Variants in UBAC2 observed in about 807,000 individuals in gnomAD.
UBAC2 encodes UBA domain containing 2.
In UBAC2, 26 loss-of-function variants were observed where a neutral mutation model predicts 44.0. That is an observed-to-expected ratio of 0.59 (90% CI 0.43 to 0.82). The LOEUF (loss-of-function observed/expected upper bound fraction) is 0.82. Ranked by LOEUF, UBAC2 falls within the 40% of genes least tolerant of loss-of-function variation. The pLI, the probability that UBAC2 is intolerant of heterozygous loss-of-function variation, is 0.00. For missense variants in UBAC2, 329 were observed against 419.4 expected, an observed-to-expected ratio of 0.78 and a Z score of 1.88; for synonymous variants, 155 against 154.3, an observed-to-expected ratio of 1.00 and a Z score of -0.04.
At chr13:99,224,615 G>A (rs908905305) in intron 1 of UBAC2, among the ~76,000 whole-genome samples, 4 of 152,132 alleles carry the variant, frequency 2.6e-5, no homozygotes, top group African/African-American at 9.6e-5. Context: ...ATGCCACAAA[G>A]TAGAAAGAGG....
chr13:99,244,985 A>G (rs1258852335), intron 4 of UBAC2, among the ~76,000 whole-genome samples: 1 of 152,038 alleles, frequency 6.6e-6, no homozygotes, highest in South Asian at 2.1e-4. Flanking sequence ...GGCACGTGCC[A>G]CCATGCCTGG....
intron 8 of UBAC2, among the ~76,000 whole-genome samples, chr13:99,369,349 T>C (rs2045375672): frequency 1.3e-5 from 2 of 152,222 alleles, no homozygotes; most frequent in Admixed American, 6.5e-5. Flanking sequence ...TTTTGAGTTT[T>C]GCTCTTTTCC....
intron 1 of UBAC2, chr13:99,215,405 CAG>C: frequency 7.8e-7 from 1 of 1,283,662 alleles, no homozygotes; most frequent in Non-Finnish European, 1.1e-6. Context: ...TCTTCCCAAT[CAG>C]AGATTTGTGG....
chr13:99,243,233 CTTTTTTT>C (rs773750160), intron 2 of UBAC2, among the ~76,000 whole-genome samples: 27 of 94,256 alleles, frequency 2.9e-4, no homozygotes, highest in Non-Finnish European at 2.5e-4. Context: ...TTGAGTAGCT[CTTTTTTT>C]TTTTTTTTTT....
chr13:99,357,064 G>A (rs2045196383), intron 7 of UBAC2, among the ~76,000 whole-genome samples: 1 of 152,230 alleles, frequency 6.6e-6, no homozygotes, highest in South Asian at 2.1e-4. Context: ...GTCAATGACA[G>A]ATTGCATGTA....
At chr13:99,328,699 T>G (rs2044673550) in intron 6 of UBAC2, among the ~76,000 whole-genome samples, 1 of 152,256 alleles carries the variant, frequency 6.6e-6, no homozygotes, top group East Asian at 1.9e-4. Context: ...ATTTATCTTC[T>G]AACTGACTTA....
chr13:99,222,785 C>T (rs184326101), intron 1 of UBAC2, among the ~76,000 whole-genome samples: 17 of 152,186 alleles, frequency 1.1e-4, no homozygotes, highest in Middle Eastern at 3.4e-3. Flanking sequence ...TCTGTTAATA[C>T]GTTCATAAAG....
chr13:99,204,427 A>G (rs1395379039), intron 1 of UBAC2, among the ~76,000 whole-genome samples: 1 of 152,150 alleles, frequency 6.6e-6, no homozygotes, highest in South Asian at 2.1e-4. Context: ...AGGGGTGGTT[A>G]TGGCTGGAGT....
chr13:99,286,642 T>C (rs1425480021), intron 4 of UBAC2, among the ~76,000 whole-genome samples: 1 of 152,120 alleles, frequency 6.6e-6, no homozygotes, highest in East Asian at 1.9e-4. Flanking sequence ...CTTTTCAACC[T>C]CCATCACCCC....
intron 4 of UBAC2, among the ~76,000 whole-genome samples, chr13:99,245,117 GCCA>G (rs1358198554): frequency 5.9e-5 from 9 of 152,192 alleles, no homozygotes; most frequent in Admixed American, 2.6e-4. Context: ...CACTGTGTGA[GCCA>G]CCTTGCCCAG....
chr13:99,296,867 A>G (rs2044182796), intron 4 of UBAC2, among the ~76,000 whole-genome samples: 1 of 152,188 alleles, frequency 6.6e-6, no homozygotes, highest in African/African-American at 2.4e-5. Context: ...GGAAATTATT[A>G]AATTTTAAAA....
rs374972490 is a variant in UBAC2 at position 99,383,363 on chromosome 13, C to G, written c.928-1865C>G. Among the ~76,000 whole-genome samples the G allele has an allele frequency of 8.2e-3, 1,244 of 152,236 alleles. 11 individuals carry two copies. The highest frequency in any genetic ancestry group is 0.056 in the South Asian group (268 of 4,820). ...CATTTTCCAGCCAACCAAATGAATT[C>G]TTTTCAATTCTAGTTTTGTTAGCTA... On this transcript the variant is annotated intron_variant, in intron 8 of 8. Transcript: ENST00000403766.
chr13:99,215,433 C>G, intron 1 of UBAC2: 19 of 1,351,238 alleles, frequency 1.4e-5, no homozygotes, highest in Non-Finnish European at 2.0e-5. Flanking sequence ...TGGAATGACA[C>G]CACCACCAGC....
intron 7 of UBAC2, among the ~76,000 whole-genome samples, chr13:99,342,619 A>G (rs559742056): frequency 6.6e-6 from 1 of 152,254 alleles, no homozygotes; most frequent in African/African-American, 2.4e-5. Flanking sequence ...GCGCTGGGTT[A>G]TCTGGTGATG....
intron 4 of UBAC2, among the ~76,000 whole-genome samples, chr13:99,279,198 C>T (rs2043922005): frequency 6.6e-6 from 1 of 152,152 alleles, no homozygotes; most frequent in Admixed American, 6.5e-5. Context: ...TCCTCTTCCC[C>T]TCCCAACAGT....
intron 1 of UBAC2, among the ~76,000 whole-genome samples, chr13:99,232,437 C>G (rs1386228724): frequency 1.5e-5 from 1 of 66,016 alleles, no homozygotes; most frequent in African/African-American, 4.6e-5. Context: ...CACACATACT[C>G]TAAGGACCAA....
At chr13:99,367,483 G>A (rs1054112417) in intron 7 of UBAC2, among the ~76,000 whole-genome samples, 2 of 152,032 alleles carry the variant, frequency 1.3e-5, no homozygotes, top group African/African-American at 4.8e-5. Context: ...CGTCACAGTC[G>A]GGCTGAAATT....
At chr13:99,273,234 G>A (rs1320173759) in intron 4 of UBAC2, among the ~76,000 whole-genome samples, 4 of 151,508 alleles carry the variant, frequency 2.6e-5, no homozygotes, top group Non-Finnish European at 5.9e-5. Context: ...TTTCTTTTTT[G>A]TTGCGACTGT....
chr13:99,376,108 G>A (rs927270030), intron 8 of UBAC2, among the ~76,000 whole-genome samples: 4 of 151,954 alleles, frequency 2.6e-5, no homozygotes, highest in African/African-American at 9.7e-5. Context: ...AAGAGAAACT[G>A]GTACAGATTT....
Sources: gnomAD v4.1 joint callset for allele counts (sites outside exome capture counted in the v4.1 genomes callset) on GRCh38, gnomAD v4.1.1 for gene constraint, MANE v1.5 for transcripts, NCBI Gene and HGNC (gene_info 2026-07-23, HGNC 2026-07-21) for gene names.